ADAMTS19: variants seen among roughly 807,000 people sequenced by gnomAD.
ADAMTS19 encodes the protein A disintegrin and metalloproteinase with thrombospondin motifs 19.
A neutral mutation model predicts 153.3 loss-of-function variants in ADAMTS19; 93 were observed. The ratio of observed to expected loss-of-function variants is 0.61; its 90% CI spans 0.51 to 0.72. The LOEUF is 0.72. Among genes scored for constraint, ADAMTS19 ranks in the 30% least tolerant of loss-of-function variants. The pLI is 0.00. For missense variants in ADAMTS19, 1,482 were observed against 1,552.1 expected (o/e 0.95, Z 0.76); for synonymous variants, 600 against 556.6 (o/e 1.08, Z -1.10).
chr5:129,654,317 G>A lies in ADAMTS19; in HGVS notation c.2188G>A (p.Ala730Thr). Residue 730 changes from alanine (A) to threonine (T), a missense_variant, in exon 14 of 23, where the codon GCC becomes ACC. By Grantham distance (58) the Ala-to-Thr change is moderately conservative. Coordinates refer to ENST00000274487, the MANE Select transcript of ADAMTS19 (RefSeq NM_133638.6). ...QAVLDEEKPC[A>T]LFCSPVGKEQ... ...TACTCTGTATGTAGAAAAACCATGTGCCTTGTTTTGCTCTCCTGTTGGAAA... is the reference window on the plus strand; with the variant it reads ...TACTCTGTATGTAGAAAAACCATGTACCTTGTTTTGCTCTCCTGTTGGAAA... 6.2e-7 allele frequency: 1 copy of A among 1,609,970 alleles called. No individual in the cohort carries two copies. Among genetic ancestry groups the A allele is most frequent in the Non-Finnish European group, 8.5e-7 (1 of 1,179,124 alleles).
chr5:129,576,600 T>A (rs1322059523), intron 7 of ADAMTS19, among the ~76,000 whole-genome samples: 2 of 151,658 alleles, frequency 1.3e-5, no homozygotes, highest in African/African-American at 2.4e-5. Flanking sequence ...TTTTTTTTTT[T>A]AGTTAAATAC....
chr5:129,460,325 T>C lies in ADAMTS19; in HGVS notation c.-67T>C, dbSNP rs559832019. ...CCTCCTAGCGCTCCGGGGAGGCCGC[T>C]GCGCCCCGGAGTGGATCGCGCTGGA... On this transcript the variant is annotated 5_prime_UTR_variant, in exon 1 of 23. Coordinates refer to ENST00000274487, the MANE Select transcript of ADAMTS19 (RefSeq NM_133638.6). 1.6e-6 allele frequency: 2 copies of C among 1,244,916 alleles called. No individual in the cohort carries two copies. The highest frequency in any genetic ancestry group is 3.2e-5 in the African/African-American group (2 of 62,682). 77.1% of individuals were successfully genotyped at this position (1,244,916 alleles called of 1,614,324 possible).
rs184743818 is a variant in ADAMTS19, at chr5:129,533,762, T to G, written c.1328+5085T>G. On this transcript the variant is annotated intron_variant, in intron 6 of 22. Transcript: ENST00000274487. ...TGTAAATTTCCCTCTACACACTGCT[T>G]TGAATGTGTAACAGAGATTCTGGTA... Among the ~76,000 whole-genome samples, 959 of 152,256 alleles carry G rather than the reference T, an allele frequency of 6.3e-3. 9 individuals are homozygous for G. The highest frequency in any genetic ancestry group is 0.022 in the African/African-American group (897 of 41,544).
chr5:129,684,670 G>C (rs922652149), intron 18 of ADAMTS19, among the ~76,000 whole-genome samples: 16 of 152,148 alleles, frequency 1.1e-4, no homozygotes, highest in African/African-American at 3.1e-4. Context: ...CTGCCCACAA[G>C]AATTACAGAC....
rs186139223 is a variant in ADAMTS19, at chr5:129,728,534, G to A, written c.3313-6398G>A. Among the ~76,000 whole-genome samples, 207 of 152,152 alleles carry A rather than the reference G, an allele frequency of 1.4e-3. 7 individuals carry two copies. Among genetic ancestry groups the A allele is most frequent in the Middle Eastern group, 3.4e-3 (1 of 294 alleles). ...TCACCCTGAATTCTATCTTGTAAGA[G>A]GTCCAGAAGCCCCCTCTCTTGGGGT... On this transcript the variant is annotated intron_variant, in intron 21 of 22. Coordinates refer to ENST00000274487, the MANE Select transcript of ADAMTS19 (RefSeq NM_133638.6).
At chr5:129,531,312 A>C (rs1752195090) in intron 6 of ADAMTS19, among the ~76,000 whole-genome samples, 1 of 152,174 alleles carries the variant, frequency 6.6e-6, no homozygotes, top group African/African-American at 2.4e-5. Flanking sequence ...TAGAAGAATC[A>C]AAACAGTTTT....
In ADAMTS19 at chr5:129,548,324, T is replaced by A. The variant is rs1446837651; in HGVS notation, c.1329-3540T>A. On this transcript the variant is annotated intron_variant, in intron 6 of 22. Transcript: ENST00000274487. The stretch of plus-strand genomic sequence containing the variant: ...AATCTACAATGAATTCAAACAAATT[T>A]ACAAAAAAAAAAACAAACAACCCCA... 3.6e-4 allele frequency among the ~76,000 whole-genome samples: 47 copies of A among 130,690 alleles called. 3 individuals are homozygous for A. Among genetic ancestry groups the A allele is most frequent in the African/African-American group, 1.4e-3 (44 of 31,818 alleles). The allele number at this position is 130,690 out of a possible 152,430, so 85.7% of individuals were successfully genotyped here.
chr5:129,559,590 G>C (rs930338912), intron 7 of ADAMTS19, among the ~76,000 whole-genome samples: 1 of 152,056 alleles, frequency 6.6e-6, no homozygotes, highest in Non-Finnish European at 1.5e-5. Flanking sequence ...GAGAACTTTG[G>C]GCGGTATTTA....
chr5:129,641,990 G>A (rs375882455), intron 11 of ADAMTS19, 30 bp downstream of exon 11: 2 of 1,371,496 alleles, frequency 1.5e-6, no homozygotes, highest in African/African-American at 1.5e-5. Flanking sequence ...TGAATTTAAT[G>A]AGCATACTAG....
At chr5:129,545,086 A>T (rs1314203488) in intron 6 of ADAMTS19, among the ~76,000 whole-genome samples, 2 of 152,188 alleles carry the variant, frequency 1.3e-5, no homozygotes, top group East Asian at 3.9e-4. Flanking sequence ...ACCCAGAGGC[A>T]TATTAAAGAA....
intron 16 of ADAMTS19, among the ~76,000 whole-genome samples, chr5:129,674,514 A>C (rs1754468891): frequency 6.6e-6 from 1 of 151,974 alleles, no homozygotes; most frequent in Non-Finnish European, 1.5e-5. Context: ...TACACTTTTT[A>C]CTATTCCAGT....
At chr5:129,536,456 T>C (rs1417392315) in intron 6 of ADAMTS19, among the ~76,000 whole-genome samples, 3 of 152,186 alleles carry the variant, frequency 2.0e-5, no homozygotes, top group Admixed American at 6.5e-5. Flanking sequence ...ACTTTTACAC[T>C]GTTGGTGGGA....
chr5:129,666,411 AT>A (rs149715240), intron 16 of ADAMTS19, among the ~76,000 whole-genome samples: 5,501 of 152,166 alleles, frequency 0.036, 312 homozygotes, highest in African/African-American at 0.13. Context: ...TCTCAAGCCT[AT>A]TTTTTTAACA....
chr5:129,532,648 A>C (rs1336426726), intron 6 of ADAMTS19, among the ~76,000 whole-genome samples: 3 of 152,234 alleles, frequency 2.0e-5, no homozygotes, highest in Non-Finnish European at 4.4e-5. Context: ...AATTTATAGA[A>C]GCTTTCATAA....
intron 20 of ADAMTS19, among the ~76,000 whole-genome samples, chr5:129,703,397 T>G (rs1290626500): frequency 1.3e-5 from 2 of 152,154 alleles, no homozygotes; most frequent in African/African-American, 4.8e-5. Context: ...CCAAAAATTA[T>G]TTAGAATTAT....
At chr5:129,583,994 C>T (rs1240366007) in intron 7 of ADAMTS19, among the ~76,000 whole-genome samples, 1 of 152,080 alleles carries the variant, frequency 6.6e-6, no homozygotes, top group Non-Finnish European at 1.5e-5. Context: ...AAGAGGCATT[C>T]TGGTTTTTGG....
chr5:129,473,864 T>C (rs1750141818), intron 2 of ADAMTS19, among the ~76,000 whole-genome samples: 1 of 152,142 alleles, frequency 6.6e-6, no homozygotes, highest in African/African-American at 2.4e-5. Flanking sequence ...ATTTAAAATG[T>C]AACAAACTAA....
chr5:129,702,937 A>ATATATATAT, intron 20 of ADAMTS19, among the ~76,000 whole-genome samples: 2 of 13,872 alleles, frequency 1.4e-4, no homozygotes, highest in African/African-American at 3.6e-4. Flanking sequence ...GCCAAAAAAA[A>ATATATATAT]AAAAATATAT....
intron 21 of ADAMTS19, among the ~76,000 whole-genome samples, chr5:129,705,649 C>G (rs1756118065): frequency 6.6e-6 from 1 of 152,224 alleles, no homozygotes; most frequent in Admixed American, 6.5e-5. Flanking sequence ...TGGTGAATCA[C>G]ATAAGGAAAC....
Sources: allele counts gnomAD v4.1 joint callset (sites outside exome capture counted in the v4.1 genomes callset), GRCh38; gene constraint gnomAD v4.1.1; transcripts MANE v1.5; gene names NCBI Gene and HGNC (gene_info 2026-07-23, HGNC 2026-07-21).